The following RARB variants were observed in gnomAD, a reference collection of about 807,000 sequenced individuals.
RARB encodes the protein HBV-activated protein.
Under a neutral mutation model 51.9 loss-of-function variants are expected in RARB, and 17 were observed. That is an observed-to-expected ratio of 0.33 (90% CI 0.22 to 0.49). RARB has a LOEUF of 0.49. RARB is among the 20% of genes least tolerant of loss of function. The pLI is 0.99. For missense variants in RARB, 369 were observed against 550.8 expected (o/e 0.67, Z 3.30); for synonymous variants, 215 against 195.4 (o/e 1.10, Z -0.84).
upstream of RARB, among the ~76,000 whole-genome samples, chr3:25,425,509 G>A (rs185030843): frequency 1.3e-5 from 2 of 152,236 alleles, no homozygotes; most frequent in East Asian, 1.9e-4. Context: ...ATTGACTAGC[G>A]AATATTGTCA....
At chr3:25,420,985 T>C (rs1707840236) in intron 5 of RARB, among the ~76,000 whole-genome samples, 2 of 123,996 alleles carry the variant, frequency 1.6e-5, no homozygotes, top group South Asian at 4.8e-4. Flanking sequence ...TCAACACCAC[T>C]TATGCCAAAA....
chr3:25,039,910 T>C (rs1457545012), intron 2 of RARB, among the ~76,000 whole-genome samples: 5 of 152,112 alleles, frequency 3.3e-5, no homozygotes, highest in Admixed American at 2.6e-4. Flanking sequence ...GAAGACAAAA[T>C]TGTCTTGTGG....
At chr3:24,954,323 T>A (rs1184964091) in intron 2 of RARB, among the ~76,000 whole-genome samples, 1 of 152,158 alleles carries the variant, frequency 6.6e-6, no homozygotes, top group African/African-American at 2.4e-5. Context: ...GAAAGGACTT[T>A]GTAGAATTAG....
At chr3:24,950,589 G>A (rs1344798820) in intron 2 of RARB, among the ~76,000 whole-genome samples, 1 of 152,050 alleles carries the variant, frequency 6.6e-6, no homozygotes, top group East Asian at 1.9e-4. Context: ...TTTTAGAGGT[G>A]AACATAACGG....
At chr3:25,405,690 G>A (rs976087895) in intron 5 of RARB, among the ~76,000 whole-genome samples, 1 of 152,254 alleles carries the variant, frequency 6.6e-6, no homozygotes, top group African/African-American at 2.4e-5. Context: ...TTCAGTCATA[G>A]TATCTTCACT....
chr3:25,316,241 G>A (rs1279192649), intron 5 of RARB, among the ~76,000 whole-genome samples: 1 of 152,022 alleles, frequency 6.6e-6, no homozygotes, highest in Non-Finnish European at 1.5e-5. Flanking sequence ...CATCTATCTA[G>A]AGGTAGGGAG....
intron 3 of RARB, among the ~76,000 whole-genome samples, chr3:25,515,906 A>G (rs1273099607): frequency 2.6e-5 from 4 of 152,222 alleles, no homozygotes; most frequent in African/African-American, 9.6e-5. Context: ...TGGAACGGCC[A>G]TTTCTTCCTG....
chr3:24,964,424 A>C, intron 2 of RARB, among the ~76,000 whole-genome samples: 1 of 152,118 alleles, frequency 6.6e-6, no homozygotes, highest in Non-Finnish European at 1.5e-5. Flanking sequence ...TCTAGCATAA[A>C]CTGTTGAGTC....
intron 2 of RARB, among the ~76,000 whole-genome samples, chr3:24,938,511 T>A (rs1384039865): frequency 6.6e-6 from 1 of 152,210 alleles, no homozygotes; most frequent in Non-Finnish European, 1.5e-5. Context: ...TTCTTTGTGA[T>A]GCTTAGCTCC....
At chr3:25,368,548 A>G (rs1706202611) in intron 5 of RARB, among the ~76,000 whole-genome samples, 1 of 152,190 alleles carries the variant, frequency 6.6e-6, no homozygotes, top group Non-Finnish European at 1.5e-5. Flanking sequence ...CTATGCACCA[A>G]TGAAAGAGGT....
rs147639136 is a variant in RARB at position 25,126,925 on chromosome 3, A to G, written c.-327-5236A>G. 8.3e-4 allele frequency among the ~76,000 whole-genome samples: 126 copies of G among 152,206 alleles called. No individual in the cohort carries two copies. In the East Asian group the frequency reaches 0.021, roughly 25 times the overall value. ...CCTTGATATTCCCTCTCCTTCACACACTACATTCAATGCAACTTCCATCAA... is the reference window on the plus strand; with the variant it reads ...CCTTGATATTCCCTCTCCTTCACACGCTACATTCAATGCAACTTCCATCAA... On this transcript the variant is annotated intron_variant, in intron 3 of 11. Coordinates refer to the RARB transcript ENST00000383772.
Position 25,120,809 on chromosome 3 carries a change from C to T in RARB, c.-327-11352C>T, listed in dbSNP as rs73049907. On this transcript the variant is annotated intron_variant, in intron 3 of 11. Transcript: ENST00000383772. ...AGATTTAGATCAGGAATCCTCACATCATTGCCCTTTGGCCGAATCTAGCTG... is the reference window on the plus strand; with the variant it reads ...AGATTTAGATCAGGAATCCTCACATTATTGCCCTTTGGCCGAATCTAGCTG... 5.6e-3 allele frequency among the ~76,000 whole-genome samples: 850 copies of T among 152,242 alleles called. 3 individuals carry two copies. The highest frequency in any genetic ancestry group is 0.02 in the Middle Eastern group (6 of 294).
chr3:25,060,149 A>C (rs1698520005), exon 3 of RARB: 1 of 151,772 alleles, frequency 6.6e-6, no homozygotes, highest in Admixed American at 6.6e-5. Flanking sequence ...TGCAGAGATG[A>C]AGTAACTTGC....
At chr3:24,830,060 G>A (rs1174756512) in intron 1 of RARB, among the ~76,000 whole-genome samples, 5 of 152,192 alleles carry the variant, frequency 3.3e-5, no homozygotes, top group African/African-American at 1.2e-4. Context: ...TTGGAGAAGA[G>A]TACTAGGGGC....
At chr3:25,430,319 C>A (rs1046857935) in intron 1 of RARB, among the ~76,000 whole-genome samples, 4 of 152,146 alleles carry the variant, frequency 2.6e-5, no homozygotes, top group African/African-American at 9.7e-5. Flanking sequence ...ATTTTCTAAT[C>A]CAAGAAGAGA....
chr3:25,068,976 A>C (rs576914865), intron 3 of RARB, among the ~76,000 whole-genome samples: 1 of 151,908 alleles, frequency 6.6e-6, no homozygotes, highest in South Asian at 2.1e-4. Flanking sequence ...CAATTACCCT[A>C]AACCCAGTTC....
At chr3:25,129,277 C>A (rs1295263292) in intron 3 of RARB, among the ~76,000 whole-genome samples, 1 of 151,992 alleles carries the variant, frequency 6.6e-6, no homozygotes, top group Admixed American at 6.6e-5. Context: ...ATTTCTCTTT[C>A]TGAATTTTCA....
At chr3:25,341,447 T>A (rs1466598727) in intron 5 of RARB, among the ~76,000 whole-genome samples, 1 of 152,152 alleles carries the variant, frequency 6.6e-6, no homozygotes, top group Non-Finnish European at 1.5e-5. Context: ...TGCCACCTAT[T>A]TTGTCTTCAG....
At chr3:25,003,118 A>G (rs1274683228) in intron 2 of RARB, among the ~76,000 whole-genome samples, 2 of 151,416 alleles carry the variant, frequency 1.3e-5, no homozygotes, top group Admixed American at 1.3e-4. Flanking sequence ...TGATCCTCAT[A>G]GCCTTTGCTT....
Sources: gnomAD v4.1 joint callset for allele counts (sites outside exome capture counted in the v4.1 genomes callset) on GRCh38, gnomAD v4.1.1 for gene constraint, MANE v1.5 for transcripts, NCBI Gene and HGNC (gene_info 2026-07-23, HGNC 2026-07-21) for gene names.